The following CUX2 variants were observed in gnomAD, a reference collection of about 807,000 sequenced individuals.
The protein encoded by CUX2 is cut like homeobox 2.
A neutral mutation model predicts 144.8 loss-of-function variants in CUX2; 40 were observed. That is an observed-to-expected ratio of 0.28 (90% CI 0.21 to 0.36). The LOEUF (loss-of-function observed/expected upper bound fraction) is 0.36, where lower values mean the gene tolerates loss of function less well. Ranked by LOEUF, CUX2 falls within the 10% of genes least tolerant of loss-of-function variation. The pLI is 1.00. For missense variants in CUX2, 1,615 were observed against 1,994.0 expected (o/e 0.81, Z 3.62); for synonymous variants, 827 against 875.6 (o/e 0.94, Z 0.98).
At chr12:111,269,581 C>T (rs1884542190) in intron 4 of CUX2, among the ~76,000 whole-genome samples, 1 of 152,110 alleles carries the variant, frequency 6.6e-6, no homozygotes, top group African/African-American at 2.4e-5. Context: ...ACCAGCATGT[C>T]TAGTGCTTGG....
chr12:111,067,247 A>G (rs997248778), intron 1 of CUX2, among the ~76,000 whole-genome samples: 24 of 152,228 alleles, frequency 1.6e-4, no homozygotes, highest in African/African-American at 5.8e-4. Context: ...TTGGACCACC[A>G]GAGAGTCACA....
rs1009021541 is a variant in CUX2, at chr12:111,039,196, T to C, written c.63+4956T>C. On this transcript the variant is annotated intron_variant, in intron 1 of 21. Coordinates refer to ENST00000261726, the MANE Select transcript of CUX2 (RefSeq NM_015267.4). This position sits in a 1 kb window ranked among gnomAD's most constrained non-coding sequence, Gnocchi z 4.2. ...GGCTATCTAATTCAAAGGCCGGGCC[T>C]GGCAGAGGTGAAGCATTGGAAGGGG... Among the ~76,000 whole-genome samples the C allele has an allele frequency of 4.6e-5, 7 of 152,264 alleles. 1 individual carries two copies. Among genetic ancestry groups the C allele is most frequent in the Middle Eastern group, 3.4e-3 (1 of 294 alleles).
intron 1 of CUX2, among the ~76,000 whole-genome samples, chr12:111,200,275 G>A (rs925986281): frequency 1.3e-5 from 2 of 152,058 alleles, no homozygotes; most frequent in Admixed American, 1.3e-4. Flanking sequence ...GGTCTCGGGT[G>A]CAGCTTCAGG....
chr12:111,106,045 A>G (rs906462558), intron 1 of CUX2, among the ~76,000 whole-genome samples: 1 of 151,906 alleles, frequency 6.6e-6, no homozygotes, highest in Non-Finnish European at 1.5e-5. Context: ...TTTTATTTTT[A>G]GTAGACATGG....
At chr12:111,253,751 C>T (rs953143531) in intron 3 of CUX2, among the ~76,000 whole-genome samples, 6 of 151,654 alleles carry the variant, frequency 4.0e-5, no homozygotes, top group African/African-American at 7.3e-5. Flanking sequence ...GGTCAAGCAC[C>T]GTCTTAATGC....
chr12:111,225,231 T>C lies in CUX2; in HGVS notation c.222+7294T>C, dbSNP rs1013346761. On this transcript the variant is annotated intron_variant, in intron 3 of 21. Transcript: ENST00000261726. ...AGAACAAAGCCCACCACATGGTGAG[T>C]GTTCAGTGAGCATGAGTTGGCATTC... 3.3e-5 allele frequency among the ~76,000 whole-genome samples: 5 copies of C among 152,168 alleles called. No homozygotes were observed. In the South Asian group the frequency reaches 1.0e-3, roughly 32 times the overall value.
rs1162878745 is a variant in CUX2 at position 111,322,585 on chromosome 12, G to GT, written c.2926+6dup. The stretch of plus-strand genomic sequence containing the variant: ...AGCAGCCTGGTGCCTCCCAGGGTGA[G>GT]TGCGGGCAGGAGCATCTCAGGGGGT... On this transcript the variant is annotated splice_donor_region_variant and intron_variant, in intron 18 of 21. Coordinates refer to ENST00000261726, the MANE Select transcript of CUX2 (RefSeq NM_015267.4). The surrounding 1 kb of genome is among the most constrained non-coding windows in gnomAD (Gnocchi z 4.2). The GT allele has an allele frequency of 6.2e-7, 1 of 1,605,978 alleles. No individual in the cohort carries two copies. The highest frequency in any genetic ancestry group is 1.3e-5 in the African/African-American group (1 of 74,918).
chr12:111,158,663 C>T (rs1038078985), intron 1 of CUX2, among the ~76,000 whole-genome samples: 1 of 151,034 alleles, frequency 6.6e-6, no homozygotes, highest in Non-Finnish European at 1.5e-5. Flanking sequence ...ATGTTTTACA[C>T]GATTTAAAAC....
At chr12:111,210,672 C>T (rs1881171754) in intron 1 of CUX2, among the ~76,000 whole-genome samples, 1 of 152,016 alleles carries the variant, frequency 6.6e-6, no homozygotes, top group Non-Finnish European at 1.5e-5. Context: ...TGGCACATGC[C>T]TATAGTCACA....
intron 4 of CUX2, among the ~76,000 whole-genome samples, chr12:111,264,184 C>A (rs1400102339): frequency 2.6e-5 from 4 of 152,216 alleles, no homozygotes; most frequent in African/African-American, 4.8e-5. Flanking sequence ...TGCTCTCTGC[C>A]TGCAGGTGGC....
chr12:111,347,710 G>A lies in CUX2; in HGVS notation c.3846G>A (p.Glu1282=), dbSNP rs1312223156. ...AACTGGAGCTTCAGGAGGGCCCTGA[G>A]GAGAACAGCACACCCCTGACCACCC... ...VKELELQEGP[E]ENSTPLTTQD... is the part of the protein sequence containing the mutation. Residue 1282 remains glutamate (E), a synonymous_variant, in exon 22 of 22, where the codon GAG becomes GAA. Transcript: ENST00000261726. 5 of 1,613,856 alleles carry A rather than the reference G, an allele frequency of 3.1e-6. No homozygotes were observed. Among genetic ancestry groups the A allele is most frequent in the Admixed American group, 1.7e-5 (1 of 59,988 alleles).
At chr12:111,128,538 C>T (rs1184314611) in intron 1 of CUX2, among the ~76,000 whole-genome samples, 1 of 152,150 alleles carries the variant, frequency 6.6e-6, no homozygotes, top group Non-Finnish European at 1.5e-5. Flanking sequence ...ATATATACCA[C>T]ACCATTTGAT....
chr12:111,038,753 C>T (rs1211454412), intron 1 of CUX2, among the ~76,000 whole-genome samples: 1 of 152,170 alleles, frequency 6.6e-6, no homozygotes, highest in Non-Finnish European at 1.5e-5. Flanking sequence ...CATCTCATCC[C>T]TCACTGGTTT....
intron 1 of CUX2, among the ~76,000 whole-genome samples, chr12:111,202,077 A>G (rs1013715921): frequency 5.9e-5 from 9 of 152,242 alleles, no homozygotes; most frequent in Admixed American, 5.2e-4. Context: ...TGTGGCCCCT[A>G]GCAAAAGCCT....
chr12:111,151,970 C>T (rs887865478), intron 1 of CUX2, among the ~76,000 whole-genome samples: 1 of 152,122 alleles, frequency 6.6e-6, no homozygotes, highest in African/African-American at 2.4e-5. Context: ...AGAAACCTCA[C>T]GTGCTCTGAA....
Position 111,347,622 on chromosome 12 carries a change from A to ACC in CUX2, c.3760_3761dup (p.Asp1255GlnfsTer19). On this transcript the variant is annotated frameshift_variant, in exon 22 of 22. Coordinates refer to ENST00000261726, the MANE Select transcript of CUX2 (RefSeq NM_015267.4). LOFTEE classifies it low-confidence loss of function (END_TRUNC). ...GGAATCCTACCGCCAGGCCACTCCC[A>ACC]CCCAGACCCCACCCCGCAGAGCCCT... is the stretch of plus-strand genomic sequence containing the variant. 4.8e-6 allele frequency: 5 copies of ACC among 1,043,476 alleles called. No homozygotes were observed. The highest frequency in any genetic ancestry group is 1.6e-5 in the African/African-American group (1 of 61,488). The allele number at this position is 1,043,476 out of a possible 1,614,324, so 64.6% of individuals were successfully genotyped here. A position where few individuals can be genotyped will look rare whatever the true frequency, so the allele number is the denominator to read the frequency against.
At chr12:111,193,241 C>A (rs1344810039) in intron 1 of CUX2, among the ~76,000 whole-genome samples, 1 of 152,208 alleles carries the variant, frequency 6.6e-6, no homozygotes, top group Non-Finnish European at 1.5e-5. Context: ...CCTGACTGCG[C>A]CCCATAGCCC....
intron 9 of CUX2, 48 bp downstream of exon 9, chr12:111,298,637 C>G: frequency 6.5e-7 from 1 of 1,532,664 alleles, no homozygotes; most frequent in Non-Finnish European, 8.9e-7. Flanking sequence ...CTCCCTCTGC[C>G]TGGGGTGGGG....
At chr12:111,234,289 C>G (rs983121087) in intron 3 of CUX2, among the ~76,000 whole-genome samples, 1 of 152,120 alleles carries the variant, frequency 6.6e-6, no homozygotes, top group African/African-American at 2.4e-5. Context: ...ACCCAAGAGG[C>G]CTGCCAAATT....
Sources: gnomAD v4.1 joint callset for allele counts (sites outside exome capture counted in the v4.1 genomes callset) on GRCh38, gnomAD v4.1.1 for gene constraint, Gnocchi (gnomAD v3.1) non-coding constraint, MANE v1.5 for transcripts, NCBI Gene and HGNC (gene_info 2026-07-23, HGNC 2026-07-21) for gene names.